LIMD1: variants seen among roughly 807,000 people sequenced by gnomAD.
LIMD1 encodes LIM domain containing 1.
LIMD1 carries 23 observed loss-of-function variants against 58.4 expected under a neutral mutation model. The ratio of observed to expected loss-of-function variants is 0.39; its 90% confidence interval spans 0.28 to 0.56. LIMD1 has a LOEUF of 0.56. Among genes scored for constraint, LIMD1 ranks in the 20% least tolerant of loss-of-function variants. The probability of loss-of-function intolerance (pLI) is 0.57; values close to 1 mark genes in which losing one functional copy is unlikely to be tolerated. For synonymous variants in LIMD1, 334 were observed against 345.5 expected (o/e 0.97, Z 0.37); for missense variants, 838 against 855.5 (o/e 0.98, Z 0.25).
intron 2 of LIMD1, among the ~76,000 whole-genome samples, chr3:45,644,052 C>G (rs1701876121): frequency 1.3e-5 from 2 of 152,186 alleles, no homozygotes; most frequent in African/African-American, 2.4e-5. Context: ...TAAAATCTCA[C>G]TTGTTGAGAC....
At chr3:45,610,880 T>A (rs761982591) in intron 1 of LIMD1, among the ~76,000 whole-genome samples, 13 of 152,100 alleles carry the variant, frequency 8.5e-5, no homozygotes, top group Non-Finnish European at 1.8e-4. Flanking sequence ...GAGAAAAGAG[T>A]GGCTTATTAA....
At chr3:45,632,802 A>G (rs988874010) in intron 1 of LIMD1, among the ~76,000 whole-genome samples, 2 of 152,178 alleles carry the variant, frequency 1.3e-5, no homozygotes, top group African/African-American at 4.8e-5. Context: ...CCCAAATACT[A>G]GAGGCCCCAC....
chr3:45,627,033 C>T (rs896827528), intron 1 of LIMD1, among the ~76,000 whole-genome samples: 8 of 152,168 alleles, frequency 5.3e-5, no homozygotes, highest in African/African-American at 1.9e-4. Context: ...ATCCACTGTG[C>T]TCCCCCACCT....
intron 2 of LIMD1, among the ~76,000 whole-genome samples, chr3:45,663,818 G>A (rs2070613246): frequency 6.7e-6 from 1 of 150,050 alleles, no homozygotes; most frequent in African/African-American, 2.5e-5. Context: ...GGGTTCAAGT[G>A]ATTCTTCTGC....
chr3:45,613,580 G>GTTT (rs35966139), intron 1 of LIMD1, among the ~76,000 whole-genome samples: 2 of 130,896 alleles, frequency 1.5e-5, no homozygotes, highest in African/African-American at 2.9e-5. Flanking sequence ...CCCTGTTGAG[G>GTTT]TTTTTTTTTT....
Position 45,677,121 on chromosome 3 carries a change from C to A in LIMD1, c.*62C>A. On this transcript the variant is annotated 3_prime_UTR_variant, in exon 8 of 8. Transcript: ENST00000273317. Reference sequence around the variant, plus strand: ...GAGCCGGGGTTGCTGCTGCTGCTTCCGGTGGCCCCTGGGGTGGAAGTGGGG... The same window carrying A: ...GAGCCGGGGTTGCTGCTGCTGCTTCAGGTGGCCCCTGGGGTGGAAGTGGGG... 6.3e-7 allele frequency: 1 copy of A among 1,581,488 alleles called. No individual in the cohort carries two copies. The highest frequency in any genetic ancestry group is 1.1e-5 in the South Asian group (1 of 89,344).
intron 1 of LIMD1, among the ~76,000 whole-genome samples, chr3:45,603,858 T>TA (rs1470023458): frequency 3.3e-5 from 5 of 152,122 alleles, no homozygotes; most frequent in Non-Finnish European, 2.9e-5. Flanking sequence ...CATGTATTCT[T>TA]AACCTTTTAT....
At chr3:45,647,106 A>G (rs1471354065) in intron 2 of LIMD1, among the ~76,000 whole-genome samples, 1 of 152,236 alleles carries the variant, frequency 6.6e-6, no homozygotes, top group Non-Finnish European at 1.5e-5. Flanking sequence ...CTATAATTCA[A>G]TACCAAAAAG....
At chr3:45,638,178 A>T (rs35472009) in intron 2 of LIMD1, among the ~76,000 whole-genome samples, 152,356 of 152,356 alleles carry the variant, frequency 1, 76,178 homozygotes, top group Non-Finnish European at 1. Context: ...CTCCCCATTA[A>T]ACCCATTAAT....
chr3:45,644,180 CA>C (rs1559521204), intron 2 of LIMD1, among the ~76,000 whole-genome samples: 1 of 152,204 alleles, frequency 6.6e-6, no homozygotes, highest in Admixed American at 6.5e-5. Flanking sequence ...TGTTGTGGAA[CA>C]GAGGTTCTTA....
intron 2 of LIMD1, among the ~76,000 whole-genome samples, chr3:45,657,745 A>G (rs1697356550): frequency 6.6e-6 from 1 of 152,160 alleles, no homozygotes; most frequent in South Asian, 2.1e-4. Context: ...TTCCTTACTT[A>G]TGAAATGAAA....
rs139208267 is a variant in LIMD1, at chr3:45,683,004, C to T, written c.*5945C>T. On this transcript the variant is annotated 3_prime_UTR_variant, in exon 8 of 8. Transcript: ENST00000273317. ...TGCTGCCCATTCCTTGCCCCTTTTCCGCTTCTAGAGGCTGCCCATTTTCCT... is the reference window on the plus strand; with the variant it reads ...TGCTGCCCATTCCTTGCCCCTTTTCTGCTTCTAGAGGCTGCCCATTTTCCT... 1,235 of 152,324 alleles carry T rather than the reference C, an allele frequency of 8.1e-3. 7 individuals carry two copies. Among genetic ancestry groups the T allele is most frequent in the Non-Finnish European group, 0.014 (984 of 68,096 alleles). The allele number at this position is 152,324 out of a possible 1,614,324, so 9.4% of individuals were successfully genotyped here. A position where few individuals can be genotyped will look rare whatever the true frequency, so the allele number is the denominator to read the frequency against.
chr3:45,598,129 G>T (rs2125646703), intron 1 of LIMD1, among the ~76,000 whole-genome samples: 1 of 152,086 alleles, frequency 6.6e-6, no homozygotes, highest in Admixed American at 6.5e-5. Flanking sequence ...AGCAGGGGAG[G>T]AAGGGGACGT....
At chr3:45,596,928 C>T (rs1372573791) in intron 1 of LIMD1, among the ~76,000 whole-genome samples, 1 of 148,320 alleles carries the variant, frequency 6.7e-6, no homozygotes, top group Non-Finnish European at 1.5e-5. Context: ...GTGGCACAAT[C>T]TCGGCTCACT....
In LIMD1 at chr3:45,681,514, A is replaced by T. The variant is rs1697741943; in HGVS notation, c.*4455A>T. On this transcript the variant is annotated 3_prime_UTR_variant, in exon 8 of 8. Transcript: ENST00000273317. Reference sequence around the variant, plus strand: ...TTATTATAGCAATAGCAGTGGCCAGATTATCAGCATTTACACTGGTTCCCT... The same window carrying T: ...TTATTATAGCAATAGCAGTGGCCAGTTTATCAGCATTTACACTGGTTCCCT... 6.6e-6 allele frequency: 1 copy of T among 152,266 alleles called. No individual in the cohort carries two copies. Among genetic ancestry groups the T allele is most frequent in the Admixed American group, 6.5e-5 (1 of 15,288 alleles). 9.4% of individuals were successfully genotyped at this position (152,266 alleles called of 1,614,324 possible). A position where few individuals can be genotyped will look rare whatever the true frequency, so the allele number is the denominator to read the frequency against.
chr3:45,636,223 T>C lies in LIMD1; in HGVS notation c.1482T>C (p.His494=). The C allele has an allele frequency of 1.2e-6, 2 of 1,612,812 alleles. No homozygotes were observed. The highest frequency in any genetic ancestry group is 8.5e-7 in the Non-Finnish European group (1 of 1,179,450). Residue 494 remains histidine (H), a synonymous_variant, in exon 2 of 8, where the codon CAT becomes CAC. Transcript: ENST00000273317. ...GTCAGGCCATGGGGAACCTCTACCA[T>C]GACACATGCTTCACCTGTGCAGCTT... The part of the protein sequence containing the change: ...QACQAMGNLY[H]DTCFTCAACS...
At chr3:45,662,079 G>T (rs1299744509) in intron 2 of LIMD1, among the ~76,000 whole-genome samples, 1 of 152,134 alleles carries the variant, frequency 6.6e-6, no homozygotes, top group East Asian at 1.9e-4. Flanking sequence ...TAAATCATGA[G>T]GAAAGCTAAA....
intron 3 of LIMD1, 72 bp from the exon 4 acceptor site, chr3:45,668,222 C>T: frequency 1.2e-5 from 14 of 1,188,738 alleles, no homozygotes; most frequent in Non-Finnish European, 1.1e-5. Flanking sequence ...TTATAATCCT[C>T]TTGGCTGTTG....
In LIMD1 at chr3:45,648,395, C is replaced by T. The variant is rs1459039372; in HGVS notation, c.1510+12144C>T. ...CACTTAGCGTGCATTCCAGGTTCAT[C>T]CACGTTGTAGTATGAATCAGTATCT... On this transcript the variant is annotated intron_variant, in intron 2 of 7. Coordinates refer to ENST00000273317, the MANE Select transcript of LIMD1 (RefSeq NM_014240.3). Among the ~76,000 whole-genome samples, 3 of 152,222 alleles carry T rather than the reference C, an allele frequency of 2.0e-5. No individual in the cohort carries two copies. The East Asian group carries it at 5.8e-4, about 29-fold the overall frequency.
Sources: gnomAD v4.1 joint callset for allele counts (sites outside exome capture counted in the v4.1 genomes callset) on GRCh38, gnomAD v4.1.1 for gene constraint, MANE v1.5 for transcripts, NCBI Gene and HGNC (gene_info 2026-07-23, HGNC 2026-07-21) for gene names.